Variants in KIAA0040 observed in about 807,000 individuals in gnomAD.
The protein encoded by KIAA0040 is KIAA0040, also known as uncharacterized protein KIAA0040.
KIAA0040 carries 10 observed loss-of-function variants against 7.2 expected under a neutral mutation model. The observed-to-expected ratio is 1.38, with a 90% confidence interval of 0.85 to 2.34. The LOEUF (loss-of-function observed/expected upper bound fraction) is 2.34. Among genes scored for constraint, KIAA0040 ranks in the 30% most tolerant of loss-of-function variants. KIAA0040 has a pLI of 0.00. For synonymous variants in KIAA0040, 49 were observed against 40.1 expected (o/e 1.22, Z -0.84); for missense variants, 89 against 108.2 (o/e 0.82, Z 0.79).
chr1:175,169,384 T>G (rs184509700), intron 2 of KIAA0040, among the ~76,000 whole-genome samples: 1 of 152,294 alleles, frequency 6.6e-6, no homozygotes. Flanking sequence ...TTAACCTCTC[T>G]CTCTGGCGCT....
At chr1:175,181,447 A>G (rs1255119754) in intron 1 of KIAA0040, among the ~76,000 whole-genome samples, 1 of 152,210 alleles carries the variant, frequency 6.6e-6, no homozygotes, top group Non-Finnish European at 1.5e-5. Flanking sequence ...TTTGTTGAGT[A>G]CCTACTATGT....
At chr1:175,165,039 G>C (rs1475552759) in intron 3 of KIAA0040, among the ~76,000 whole-genome samples, 1 of 152,186 alleles carries the variant, frequency 6.6e-6, no homozygotes, top group African/African-American at 2.4e-5. Flanking sequence ...TTGTGGCTGT[G>C]GGGGTGGACG....
intron 1 of KIAA0040, among the ~76,000 whole-genome samples, chr1:175,178,915 A>G (rs1488856030): frequency 7.1e-6 from 1 of 141,126 alleles, no homozygotes; most frequent in African/African-American, 2.6e-5. Flanking sequence ...TGCAGGTACT[A>G]TTAGAAAGGA....
rs555976044 is a variant in KIAA0040, at chr1:175,172,906, T to A, written c.-310+4705A>T. ...TGCCTTAAAATTGCCTTGCCAACTG[T>A]AAAGCACTATATTTATTATTATACT... On this transcript the variant is annotated intron_variant, in intron 2 of 3. Transcript: ENST00000423313. 7.4e-4 allele frequency among the ~76,000 whole-genome samples: 112 copies of A among 152,344 alleles called. 1 individual carries two copies. Among genetic ancestry groups the A allele is most frequent in the African/African-American group, 2.5e-3 (104 of 41,582 alleles).
At chr1:175,173,684 C>T (rs1453620368) in intron 2 of KIAA0040, among the ~76,000 whole-genome samples, 1 of 152,198 alleles carries the variant, frequency 6.6e-6, no homozygotes, top group Non-Finnish European at 1.5e-5. Flanking sequence ...AAGCCTGCCA[C>T]GTGCGTCACA....
chr1:175,187,042 G>T (rs1677685090), intron 1 of KIAA0040, among the ~76,000 whole-genome samples: 1 of 152,122 alleles, frequency 6.6e-6, no homozygotes. Context: ...GAGAAAGGAG[G>T]GTGGAAGCCA....
rs1267870082 is a variant in KIAA0040 at position 175,160,446 on chromosome 1, T to C, written c.*268A>G. On this transcript the variant is annotated 3_prime_UTR_variant, in exon 4 of 4. Transcript: ENST00000423313. Reference sequence around the variant, plus strand: ...TTCTTTGTGCTTTGCATGTGGGGTATGCCAGAGACAGGTGGGAGGCATGCC... The same window carrying C: ...TTCTTTGTGCTTTGCATGTGGGGTACGCCAGAGACAGGTGGGAGGCATGCC... 1.4e-5 allele frequency: 6 copies of C among 443,182 alleles called. No individual in the cohort carries two copies. In the Admixed American group the frequency reaches 2.0e-4, roughly 15 times the overall value. The allele number at this position is 443,182 out of a possible 1,614,324, so 27.5% of individuals were successfully genotyped here.
At chr1:175,189,860 T>C (rs948258311) in intron 1 of KIAA0040, among the ~76,000 whole-genome samples, 10 of 151,326 alleles carry the variant, frequency 6.6e-5, no homozygotes, top group African/African-American at 2.4e-4. Context: ...CAAGAACTTG[T>C]TCAAGGTCAG....
At chr1:175,183,202 C>T (rs1340474330) in intron 1 of KIAA0040, among the ~76,000 whole-genome samples, 1 of 152,232 alleles carries the variant, frequency 6.6e-6, no homozygotes, top group African/African-American at 2.4e-5. Context: ...ACAGAGGCTG[C>T]TCCTGTCTGC....
chr1:175,182,490 C>G (rs140961275), intron 1 of KIAA0040, among the ~76,000 whole-genome samples: 8 of 152,312 alleles, frequency 5.3e-5, no homozygotes, highest in Admixed American at 3.3e-4. Flanking sequence ...TTGTGGAAAC[C>G]AAATGACATT....
At chr1:175,184,416 C>T (rs928730112) in intron 1 of KIAA0040, among the ~76,000 whole-genome samples, 7 of 152,198 alleles carry the variant, frequency 4.6e-5, no homozygotes, top group African/African-American at 1.7e-4. Context: ...TCTCCCTCTT[C>T]CCTTGTCTTC....
At chr1:175,187,921 G>A (rs1016975885) in intron 1 of KIAA0040, among the ~76,000 whole-genome samples, 4 of 152,106 alleles carry the variant, frequency 2.6e-5, no homozygotes, top group African/African-American at 9.7e-5. Flanking sequence ...AAATGCTGAT[G>A]GGCTTTTCTG....
At chr1:175,191,174 C>T (rs7517745) in intron 1 of KIAA0040, among the ~76,000 whole-genome samples, 4,364 of 152,322 alleles carry the variant, frequency 0.029, 215 homozygotes, top group African/African-American at 0.1. Flanking sequence ...TATCTTTGGA[C>T]TCCAAGGCCC....
intron 1 of KIAA0040, among the ~76,000 whole-genome samples, chr1:175,190,340 A>G (rs546424934): frequency 6.6e-5 from 10 of 152,384 alleles, no homozygotes; most frequent in African/African-American, 2.4e-4. Flanking sequence ...AAGACTCTTC[A>G]GCACCAATGT....
In KIAA0040 at chr1:175,163,155, T is replaced by C. The variant is rs542571543; in HGVS notation, c.-133-2009A>G. Among the ~76,000 whole-genome samples, 3 of 152,346 alleles carry C rather than the reference T, an allele frequency of 2.0e-5. No homozygotes were observed. In the South Asian group the frequency reaches 6.2e-4, roughly 32 times the overall value. ...TCACAGGCGTTGCTCTGTGGCCTCCTATTCCTTTGTGTGGAATTAACCCAT... is the reference window on the plus strand; with the variant it reads ...TCACAGGCGTTGCTCTGTGGCCTCCCATTCCTTTGTGTGGAATTAACCCAT... On this transcript the variant is annotated intron_variant, in intron 3 of 3. Transcript: ENST00000423313.
chr1:175,177,840 G>A (rs1677265250), intron 1 of KIAA0040, among the ~76,000 whole-genome samples, 156 bp from the exon 2 acceptor site: 2 of 152,196 alleles, frequency 1.3e-5, no homozygotes, highest in Admixed American at 1.3e-4. Flanking sequence ...ACCAACAACT[G>A]GAAGTGAGTA....
intron 2 of KIAA0040, among the ~76,000 whole-genome samples, chr1:175,167,539 G>T (rs978586220): frequency 6.6e-6 from 1 of 152,232 alleles, no homozygotes; most frequent in South Asian, 2.1e-4. Flanking sequence ...TGTAAGCCAC[G>T]TGGAGGGCTA....
At position 175,160,761 on chromosome 1, in the gene KIAA0040, G is replaced by A. The variant is rs1355543863; in HGVS notation, c.253C>T (p.Gln85Ter). The A allele has an allele frequency of 1.3e-6, 2 of 1,549,486 alleles. No homozygotes were observed. Among genetic ancestry groups the A allele is most frequent in the African/African-American group, 1.4e-5 (1 of 72,902 alleles). Residue 85 changes from glutamine (Q) to a stop codon, truncating the protein, a stop_gained, in exon 4 of 4, where the codon CAA (glutamine) becomes TAA (stop). Coordinates refer to ENST00000423313, the MANE Select transcript of KIAA0040 (RefSeq NM_014656.3). LOFTEE classifies it high-confidence loss of function. ...TTCTCCATCTGGAGAAGCTTGGGTT[G>A]AGCAGAGATCCAGAGGTCTTCTTCA... Reference protein sequence around the residue: ...KDEEDLWISAQPKLLQMEKRP... With the variant: ...KDEEDLWISA
At chr1:175,163,593 T>A (rs569192432) in intron 3 of KIAA0040, among the ~76,000 whole-genome samples, 6 of 152,340 alleles carry the variant, frequency 3.9e-5, no homozygotes, top group Non-Finnish European at 4.4e-5. Context: ...AGGCCACTCA[T>A]CTCTCTTCTG....
Sources: allele counts gnomAD v4.1 joint callset (sites outside exome capture counted in the v4.1 genomes callset), GRCh38; gene constraint gnomAD v4.1.1; transcripts MANE v1.5; gene names NCBI Gene and HGNC (gene_info 2026-07-23, HGNC 2026-07-21).